Variants in P2RY12 observed in about 807,000 individuals in gnomAD.
The protein encoded by P2RY12 is P2Y purinoceptor 12.
A neutral mutation model predicts 4.5 loss-of-function variants in P2RY12; 3 were observed. The ratio of observed to expected loss-of-function variants is 0.67; its 90% CI spans 0.31 to 1.74. The LOEUF (loss-of-function observed/expected upper bound fraction) is 1.74, where lower values mean the gene tolerates loss of function less well. P2RY12 is among the 40% of genes most tolerant of loss of function. The pLI is 0.09. For missense variants in P2RY12, 356 were observed against 407.8 expected (o/e 0.87, Z 1.09); for synonymous variants, 148 against 154.1 (o/e 0.96, Z 0.29).
chr3:151,355,584 A>T (rs961224507), intron 1 of P2RY12, among the ~76,000 whole-genome samples: 7 of 152,196 alleles, frequency 4.6e-5, no homozygotes, highest in Non-Finnish European at 1.0e-4. Context: ...AAGAAAACAC[A>T]TCTGTTTTGC....
chr3:151,372,708 T>C (rs1212939087), intron 1 of P2RY12: 2 of 1,613,916 alleles, frequency 1.2e-6, no homozygotes, highest in Admixed American at 1.7e-5. Context: ...AGCATTTCCA[T>C]AGAAACTGCC....
rs150233101 is a variant in P2RY12 at position 151,368,249 on chromosome 3, C to T, written c.-180+16443G>A. The T allele has an allele frequency of 4.0e-5, 64 of 1,612,956 alleles. No homozygotes were observed. Among genetic ancestry groups the T allele is most frequent in the Admixed American group, 1.3e-4 (8 of 59,996 alleles). On this transcript the variant is annotated intron_variant, in intron 1 of 2. Transcript: ENST00000302632. ...CAGGCCTGCTTCTTACCTCAAGCAA[C>T]GGGTGAGCTGACTGCAGAAAAATCT... is the stretch of plus-strand genomic sequence containing the variant.
chr3:151,341,053 G>A (rs1241759210), intron 1 of P2RY12, among the ~76,000 whole-genome samples: 1 of 152,134 alleles, frequency 6.6e-6, no homozygotes, highest in Non-Finnish European at 1.5e-5. Context: ...AGCCTTCGAA[G>A]TCTGCTTCCT....
intron 1 of P2RY12, chr3:151,368,161 G>A: frequency 6.2e-7 from 1 of 1,614,002 alleles, no homozygotes; most frequent in Non-Finnish European, 8.5e-7. Context: ...TTGTGGGGAT[G>A]CGGACGCCGA....
intron 1 of P2RY12, among the ~76,000 whole-genome samples, chr3:151,351,548 T>A (rs1389903177): frequency 6.6e-6 from 1 of 152,216 alleles, no homozygotes; most frequent in Non-Finnish European, 1.5e-5. Context: ...AAACTGTTTA[T>A]CTGTTGTTTT....
chr3:151,350,624 G>A (rs1047887589), intron 1 of P2RY12, among the ~76,000 whole-genome samples: 2 of 151,700 alleles, frequency 1.3e-5, no homozygotes, highest in African/African-American at 4.8e-5. Context: ...TTTTTCTGGG[G>A]CACTCACATT....
intron 1 of P2RY12, chr3:151,376,297 C>A: frequency 9.0e-7 from 1 of 1,113,416 alleles, no homozygotes; most frequent in Non-Finnish European, 1.2e-6. Context: ...CTTTTTTTGT[C>A]CTTGCTAATT....
At chr3:151,353,403 C>T (rs958666912) in intron 1 of P2RY12, among the ~76,000 whole-genome samples, 2 of 152,144 alleles carry the variant, frequency 1.3e-5, no homozygotes, top group African/African-American at 4.8e-5. Flanking sequence ...TGAGAATAGA[C>T]ATTGAAAAAA....
At chr3:151,376,903 T>C (rs1452714339) in intron 1 of P2RY12, 1 of 1,612,204 alleles carries the variant, frequency 6.2e-7, no homozygotes. Context: ...CTTATCTCTG[T>C]ATGAAATTTT....
At chr3:151,355,265 G>A in intron 1 of P2RY12, 1 of 1,495,820 alleles carries the variant, frequency 6.7e-7, no homozygotes, top group Non-Finnish European at 9.2e-7. Context: ...TGTTTATTAT[G>A]CATTTGCAGT....
At chr3:151,371,597 G>C (rs1444892306) in intron 1 of P2RY12, among the ~76,000 whole-genome samples, 1 of 152,146 alleles carries the variant, frequency 6.6e-6, no homozygotes. Flanking sequence ...TGGTTGACTT[G>C]TGGGTTTTAA....
chr3:151,344,097 A>G (rs984551460), intron 1 of P2RY12, among the ~76,000 whole-genome samples: 4 of 152,078 alleles, frequency 2.6e-5, no homozygotes, highest in Non-Finnish European at 5.9e-5. Flanking sequence ...TTTCGCAAAA[A>G]TGAATGCCGT....
At position 151,336,908 on chromosome 3, in the gene P2RY12, C is replaced by A; in HGVS notation, c.*909G>T. On this transcript the variant is annotated 3_prime_UTR_variant, in exon 3 of 3. Transcript: ENST00000302632. The stretch of plus-strand genomic sequence containing the variant: ...ACCAATACAAACAAGTAATTACAAA[C>A]AGATCAATCACTTTCCTCTCAGTAG... 6.3e-6 allele frequency: 1 copy of A among 159,076 alleles called. No individual in the cohort carries two copies. Among genetic ancestry groups the A allele is most frequent in the Non-Finnish European group, 1.4e-5 (1 of 72,448 alleles). The allele number at this position is 159,076 out of a possible 1,614,324, so 9.9% of individuals were successfully genotyped here.
At chr3:151,360,742 A>G in intron 1 of P2RY12, 4 of 748,708 alleles carry the variant, frequency 5.3e-6, no homozygotes, top group Admixed American at 5.4e-5. Context: ...TGATATACTC[A>G]TGATTTGTTT....
At chr3:151,376,746 G>A (rs879231924) in intron 1 of P2RY12, 3 of 1,410,522 alleles carry the variant, frequency 2.1e-6, no homozygotes, top group South Asian at 2.3e-5. Flanking sequence ...AGAAATTACT[G>A]TATTTTAACA....
At chr3:151,356,744 T>G (rs1753974058) in intron 1 of P2RY12, among the ~76,000 whole-genome samples, 1 of 152,194 alleles carries the variant, frequency 6.6e-6, no homozygotes, top group African/African-American at 2.4e-5. Flanking sequence ...GAACAAACCT[T>G]ATGATTTGAT....
intron 1 of P2RY12, chr3:151,364,900 A>G (rs898998124): frequency 5.5e-5 from 56 of 1,010,674 alleles, no homozygotes; most frequent in Non-Finnish European, 8.0e-5. Context: ...CCTGCCATTT[A>G]ATATGTCCTT....
intron 1 of P2RY12, chr3:151,368,366 T>TG (rs1358499581): frequency 2.2e-5 from 18 of 807,598 alleles, no homozygotes; most frequent in Non-Finnish European, 2.9e-5. Flanking sequence ...GGGCATGCCC[T>TG]GGGGGTGATG....
In P2RY12 at chr3:151,337,448, T is replaced by C. The variant is rs1751162642; in HGVS notation, c.*369A>G. ...ATTATATCCAATTGATCGTTCTTCCTTAGTTGATTATGAAAAAATAAAATT... is the reference window on the plus strand; with the variant it reads ...ATTATATCCAATTGATCGTTCTTCCCTAGTTGATTATGAAAAAATAAAATT... On this transcript the variant is annotated 3_prime_UTR_variant, in exon 3 of 3. Transcript: ENST00000302632. The C allele has an allele frequency of 4.6e-6, 1 of 216,234 alleles. No homozygotes were observed. The highest frequency in any genetic ancestry group is 6.7e-5 in the South Asian group (1 of 14,858). 13.4% of individuals were successfully genotyped at this position (216,234 alleles called of 1,614,324 possible). A position where few individuals can be genotyped will look rare whatever the true frequency, so the allele number is the denominator to read the frequency against.
Sources: gnomAD v4.1 joint callset for allele counts (sites outside exome capture counted in the v4.1 genomes callset) on GRCh38, gnomAD v4.1.1 for gene constraint, MANE v1.5 for transcripts, NCBI Gene and HGNC (gene_info 2026-07-23, HGNC 2026-07-21) for gene names.